KCNH2: variants seen among roughly 807,000 people sequenced by gnomAD.
KCNH2 encodes the protein potassium voltage-gated channel subfamily H member 2.
A neutral mutation model predicts 95.9 loss-of-function variants in KCNH2; 35 were observed. The observed-to-expected ratio is 0.37, with a 90% CI of 0.28 to 0.48. The LOEUF (loss-of-function observed/expected upper bound fraction) is 0.48, where lower values mean the gene tolerates loss of function less well. Among genes scored for constraint, KCNH2 ranks in the 20% least tolerant of loss-of-function variants. KCNH2 has a pLI of 0.99. For missense variants in KCNH2, 1,274 were observed against 1,702.9 expected, an observed-to-expected ratio of 0.75 and a Z score of 4.43; for synonymous variants, 786 against 754.7, an observed-to-expected ratio of 1.04 and a Z score of -0.68.
Position 150,947,431 on chromosome 7 carries a change from C to A in KCNH2, c.3049G>T (p.Ala1017Ser), listed in dbSNP as rs950543448. ...RQYQELPRCP[A>S]PTPSLLNIPL... ...ATGTTGAGGAGGCTGGGGGTGGGGG[C>A]GGGGCATCGAGGGAGCTCCTGGTAC... Residue 1017 changes from alanine (A) to serine (S), a missense_variant, in exon 13 of 15, where the codon GCC becomes TCC. This residue lies in a region of KCNH2 where 457 missense variants were observed against 416.1 expected (regional missense o/e 1.10). Coordinates refer to ENST00000262186, the MANE Select transcript of KCNH2 (RefSeq NM_000238.4). 4.8e-6 allele frequency: 7 copies of A among 1,444,882 alleles called. No individual in the cohort carries two copies. Among genetic ancestry groups the A allele is most frequent in the African/African-American group, 4.2e-5 (3 of 71,136 alleles). The allele number at this position is 1,444,882 out of a possible 1,614,324, so 89.5% of individuals were successfully genotyped here. A position where few individuals can be genotyped will look rare whatever the true frequency, so the allele number is the denominator to read the frequency against.
chr7:150,958,277 G>A lies in KCNH2; in HGVS notation c.698C>T (p.Ala233Val). The part of the protein sequence containing the change: ...AGLGPAEERR[A>V]LVGPGSPPRS... ...GGGCGGAGAGCCGGGACCCACCAGC[G>A]CACGCCGCTCCTCCGCGGGCCCGAG... is the stretch of plus-strand genomic sequence containing the variant. Residue 233 changes from alanine to valine, a missense_variant, in exon 4 of 15, where the codon GCG becomes GTG. This residue lies in a region of KCNH2 where 392 missense variants were observed against 429.9 expected (regional missense o/e 0.91). Transcript: ENST00000262186. The A allele has an allele frequency of 1.4e-6, 2 of 1,456,344 alleles. No individual in the cohort carries two copies. The highest frequency in any genetic ancestry group is 2.4e-5 in the Admixed American group (1 of 41,012). The allele number at this position is 1,456,344 out of a possible 1,614,324, so 90.2% of individuals were successfully genotyped here.
rs538413875 is a variant in KCNH2, at chr7:150,951,197, C to G, written c.1946-77G>C. ...CCACAGGGACCCTGCTCAGGCCCCG[C>G]ACCAGGTCAGTGTCTCAGTCTCAGC... On this transcript the variant is annotated intron_variant, in intron 7 of 14. Coordinates refer to ENST00000262186, the MANE Select transcript of KCNH2 (RefSeq NM_000238.4). The G allele has an allele frequency of 2.3e-6, 3 of 1,300,756 alleles. No homozygotes were observed. The South Asian group carries it at 3.9e-5, about 17-fold the overall frequency. 80.6% of individuals were successfully genotyped at this position (1,300,756 alleles called of 1,614,324 possible).
At position 150,945,499 on chromosome 7, in the gene KCNH2, C is replaced by T. The variant is rs1800858723; in HGVS notation, c.3346G>A (p.Ala1116Thr). 6.4e-7 allele frequency: 1 copy of T among 1,557,474 alleles called. No individual in the cohort carries two copies. Among genetic ancestry groups the T allele is most frequent in the Non-Finnish European group, 8.7e-7 (1 of 1,151,094 alleles). Residue 1116 changes from alanine to threonine, a missense_variant, in exon 15 of 15, where the codon GCG becomes ACG. Physicochemically the swap from Ala to Thr is moderately conservative, Grantham distance 58 (BLOSUM62 0). Transcript: ENST00000262186. The surrounding 1 kb of genome is among the most constrained non-coding windows in gnomAD (Gnocchi z 5.6). Reference sequence around the variant, plus strand: ...GCCCCCGGGGGCAGCTCCTCACACGCCATGAACTGGGAAACCTGCAATACA... The same window carrying T: ...GCCCCCGGGGGCAGCTCCTCACACGTCATGAACTGGGAAACCTGCAATACA... ...DSLSQVSQFM[A>T]CEELPPGAPE...
chr7:150,956,287 A>C (rs1218982218), intron 5 of KCNH2, among the ~76,000 whole-genome samples: 2 of 152,116 alleles, frequency 1.3e-5, no homozygotes, highest in Non-Finnish European at 2.9e-5. Flanking sequence ...AATGCTCTGG[A>C]GTCAAGGCCA....
chr7:150,947,343 T>A lies in KCNH2; in HGVS notation c.3137A>T (p.Gln1046Leu). The change falls in exon 13 of 15, where the codon CAG becomes CTG. Residue 1046 changes from glutamine (Q) to leucine (L), a missense_variant. Around this residue, in one of 7 missense-constraint regions of KCNH2, gnomAD observed 457 missense variants for 416.1 expected, o/e 1.10. Coordinates refer to ENST00000262186, the MANE Select transcript of KCNH2 (RefSeq NM_000238.4). ...ACTCCCTCACCTGTTGAGCTGGCGCTGGAGGGCATCCAGCCTGCTCTCCAC... is the reference window on the plus strand; with the variant it reads ...ACTCCCTCACCTGTTGAGCTGGCGCAGGAGGGCATCCAGCCTGCTCTCCAC... ...GDVESRLDAL[Q>L]RQLNRLETRL... is the part of the protein sequence containing the mutation. 6.5e-7 allele frequency: 1 copy of A among 1,542,960 alleles called. No homozygotes were observed. The highest frequency in any genetic ancestry group is 1.2e-5 in the South Asian group (1 of 83,874).
intron 10 of KCNH2, 43 bp from the exon 11 acceptor site, chr7:150,948,586 G>T: frequency 6.5e-7 from 1 of 1,542,658 alleles, no homozygotes; most frequent in Non-Finnish European, 9.0e-7. Context: ...GTGCTCTCCT[G>T]CCCCACCGGG....
intron 12 of KCNH2, 44 bp downstream of exon 12, chr7:150,947,562 C>G (rs886561175): frequency 6.2e-7 from 1 of 1,605,960 alleles, no homozygotes; most frequent in African/African-American, 1.3e-5. Context: ...CGCACCACCG[C>G]TGCCACGCCC....
At position 150,960,113 on chromosome 7, in the gene KCNH2, A is replaced by T. The variant is rs12668582; in HGVS notation, c.308-377T>A. 2.0e-5 allele frequency among the ~76,000 whole-genome samples: 3 copies of T among 151,862 alleles called. No individual in the cohort carries two copies. The highest frequency in any genetic ancestry group is 4.8e-5 in the African/African-American group (2 of 41,294). On this transcript the variant is annotated intron_variant, in intron 2 of 14. Transcript: ENST00000262186. Reference sequence around the variant, plus strand: ...TCCCAGCACCTCTGCCTTTCCCTCAAGCGAGGCGCTGTAGCACAGTGCTTA... The same window carrying T: ...TCCCAGCACCTCTGCCTTTCCCTCATGCGAGGCGCTGTAGCACAGTGCTTA...
At chr7:150,955,279 CA>C in intron 5 of KCNH2, 3 of 1,091,254 alleles carry the variant, frequency 2.7e-6, no homozygotes, top group East Asian at 2.6e-5. Flanking sequence ...CCACGGCTCC[CA>C]AAGCTTCCTA....
At chr7:150,968,572 T>C (rs929497978) in intron 2 of KCNH2, among the ~76,000 whole-genome samples, 1 of 152,172 alleles carries the variant, frequency 6.6e-6, no homozygotes, top group African/African-American at 2.4e-5. Flanking sequence ...CAAGAACATA[T>C]GCAAGCAACA....
Position 150,958,203 on chromosome 7 carries a change from G to C in KCNH2, c.772C>G (p.Pro258Ala). The C allele has an allele frequency of 7.3e-7, 1 of 1,373,304 alleles. No individual in the cohort carries two copies. The highest frequency in any genetic ancestry group is 9.4e-7 in the Non-Finnish European group (1 of 1,066,174). The allele number at this position is 1,373,304 out of a possible 1,614,324, so 85.1% of individuals were successfully genotyped here. Residue 258 changes from proline (P) to alanine (A), a missense_variant, in exon 4 of 15, where the codon CCC (proline) becomes GCC (alanine). Pro to Ala is a conservative substitution (Grantham distance 27). Transcript: ENST00000262186. ...CTGCAGCTGGAGCCCGAGGCGTCGG[G>C]GTTGAGGCTGTGCGCCCGGGGCGAT... ...LPSPRAHSLN[P>A]DASGSSCSLA...
rs745496986 is a variant in KCNH2, at chr7:150,957,489, T to C, written c.930A>G (p.Pro310=). ...TGGAGTTGAGCAAGCCGCTGCGCAG[T>C]GGGTGCATGGCCCCTAGGTGGAGAG... is the stretch of plus-strand genomic sequence containing the variant. The part of the protein sequence containing the change: ...PRHASTGAMH[P]LRSGLLNSTS... The change falls in exon 5 of 15, where the codon CCA becomes CCG. Residue 310 remains proline, a synonymous_variant. Coordinates refer to ENST00000262186, the MANE Select transcript of KCNH2 (RefSeq NM_000238.4). The C allele has an allele frequency of 3.3e-5, 53 of 1,613,252 alleles. No homozygotes were observed. Among genetic ancestry groups the C allele is most frequent in the Non-Finnish European group, 1.9e-5 (22 of 1,179,852 alleles).
At chr7:150,951,344 A>T in intron 7 of KCNH2, 104 bp downstream of exon 7, 1 of 1,293,594 alleles carries the variant, frequency 7.7e-7, no homozygotes, top group Non-Finnish European at 1.0e-6. Context: ...TGGAGTCTCT[A>T]AGTTCCAGGG....
Position 150,950,440 on chromosome 7 carries a change from A to G in KCNH2, c.2146-20T>C. The G allele has an allele frequency of 6.2e-7, 1 of 1,609,734 alleles. No individual in the cohort carries two copies. Among genetic ancestry groups the G allele is most frequent in the Non-Finnish European group, 8.5e-7 (1 of 1,179,732 alleles). On this transcript the variant is annotated intron_variant, in intron 8 of 14. Transcript: ENST00000262186. ...CAGCACCTGGGGGCAGGGTGGGGGCAGCTCAGCACACCCTCCCTTGGGACC... is the reference window on the plus strand; with the variant it reads ...CAGCACCTGGGGGCAGGGTGGGGGCGGCTCAGCACACCCTCCCTTGGGACC...
At chr7:150,950,637 T>C (rs41282727) in intron 8 of KCNH2, among the ~76,000 whole-genome samples, 6 of 152,250 alleles carry the variant, frequency 3.9e-5, no homozygotes, top group Non-Finnish European at 7.4e-5. Flanking sequence ...TAGACCTCCA[T>C]GTTCTTATTT....
In KCNH2 at chr7:150,974,776, TGCGCGGCA is replaced by T. The variant is rs886039045; in HGVS notation, c.234_241del (p.Ala79AspfsTer63). 1 of 1,606,262 alleles carries T rather than the reference TGCGCGGCA, an allele frequency of 6.2e-7. No individual in the cohort carries two copies. Among genetic ancestry groups the T allele is most frequent in the Non-Finnish European group, 8.5e-7 (1 of 1,176,764 alleles). ...GGCGCCCAGCAGTGCCTGCGCGATC[TGCGCGGCA>T]GCGCGGCGCTGCGTGCGCGGCCCGT... On this transcript the variant is annotated frameshift_variant, in exon 2 of 15. Transcript: ENST00000262186. LOFTEE classifies it high-confidence loss of function.
At position 150,948,719 on chromosome 7, in the gene KCNH2, G is replaced by A. The variant is rs141664034; in HGVS notation, c.2592+137C>T. The A allele has an allele frequency of 7.6e-5, 82 of 1,085,916 alleles. No individual in the cohort carries two copies. In the African/African-American group the frequency reaches 1.2e-3, roughly 16 times the overall value. The allele number at this position is 1,085,916 out of a possible 1,614,324, so 67.3% of individuals were successfully genotyped here. ...GGCAAAGACTGAGTTTGGGACTTTT[G>A]TAGGCTGCTCTATGATACCATTTGA... On this transcript the variant is annotated intron_variant, in intron 10 of 14. Transcript: ENST00000262186.
At chr7:150,953,228 G>A (rs893258621) in intron 5 of KCNH2, among the ~76,000 whole-genome samples, 7 of 152,154 alleles carry the variant, frequency 4.6e-5, no homozygotes, top group Admixed American at 6.5e-5. Context: ...GTCTCAGACC[G>A]GAAAGGGTTC....
rs372231104 is a variant in KCNH2, at chr7:150,957,312, A to C, written c.1107T>G (p.Asn369Lys). ...CTACCTGGGTGACCTTCTCAGTGAC[A>C]TTGTGGGTTCGCTCCTTTATCTTAG... ...IAPKIKERTH[N>K]VTEKVTQVLS... Residue 369 changes from asparagine (N) to lysine (K), a missense_variant, in exon 5 of 15, where the codon AAT (asparagine) becomes AAG (lysine). This residue lies in a region of KCNH2 where 392 missense variants were observed against 429.9 expected (regional missense o/e 0.91). Coordinates refer to ENST00000262186, the MANE Select transcript of KCNH2 (RefSeq NM_000238.4). The C allele has an allele frequency of 6.3e-7, 1 of 1,588,736 alleles. No individual in the cohort carries two copies. Among genetic ancestry groups the C allele is most frequent in the East Asian group, 2.3e-5 (1 of 43,740 alleles).
Sources: allele counts gnomAD v4.1 joint callset (sites outside exome capture counted in the v4.1 genomes callset), GRCh38; gene constraint gnomAD v4.1.1; regional missense constraint gnomAD v4.1.1; non-coding constraint Gnocchi (gnomAD v3.1); transcripts MANE v1.5; gene names NCBI Gene and HGNC (gene_info 2026-07-23, HGNC 2026-07-21).